Variants in CALD1 observed in about 807,000 individuals in gnomAD.
The protein encoded by CALD1 is caldesmon 1.
Under a neutral mutation model 99.9 loss-of-function variants are expected in CALD1, and 33 were observed. The observed-to-expected ratio is 0.33, with a 90% CI of 0.25 to 0.44. The LOEUF (loss-of-function observed/expected upper bound fraction) is 0.44. Ranked by LOEUF, CALD1 falls within the 20% of genes least tolerant of loss-of-function variation. The pLI is 1.00. For missense variants in CALD1, 861 were observed against 962.1 expected (o/e 0.89, Z 1.39); for synonymous variants, 310 against 325.0 (o/e 0.95, Z 0.50).
intron 1 of CALD1, among the ~76,000 whole-genome samples, chr7:134,799,510 A>G (rs1250471007): frequency 6.6e-6 from 1 of 152,234 alleles, no homozygotes; most frequent in African/African-American, 2.4e-5. Flanking sequence ...ACATAAAAGT[A>G]TCTCTCCAGA....
chr7:134,769,876 G>A (rs553483567), intron 1 of CALD1, among the ~76,000 whole-genome samples: 4 of 152,300 alleles, frequency 2.6e-5, no homozygotes, highest in African/African-American at 4.8e-5. Context: ...GACCTCAGGT[G>A]ATCCTCCTGC....
At chr7:134,723,619 C>A in the CALD1 span, among the ~76,000 whole-genome samples, 1 of 134,928 alleles carries the variant, frequency 7.4e-6, no homozygotes. Context: ...CTGTTTAAAG[C>A]AGTGTTCTCA....
At chr7:134,745,300 T>C (rs1796626349) in intron 1 of CALD1, among the ~76,000 whole-genome samples, 1 of 152,200 alleles carries the variant, frequency 6.6e-6, no homozygotes, top group Non-Finnish European at 1.5e-5. Flanking sequence ...TAGTTTAGAG[T>C]TTAATGGTTT....
chr7:134,928,622 C>T (rs1805243799), intron 3 of CALD1, 132 bp from the exon 4 acceptor site: 5 of 761,526 alleles, frequency 6.6e-6, no homozygotes, highest in Non-Finnish European at 1.0e-5. Context: ...AGGAACTGAA[C>T]CATCCTTTTA....
chr7:134,860,221 T>C (rs1800503496), intron 2 of CALD1, among the ~76,000 whole-genome samples: 1 of 152,182 alleles, frequency 6.6e-6, no homozygotes, highest in Non-Finnish European at 1.5e-5. Flanking sequence ...ATGGTGAAGG[T>C]TGAGCTAAAG....
intron 3 of CALD1, among the ~76,000 whole-genome samples, chr7:134,872,905 G>A (rs1177919926): frequency 1.3e-5 from 2 of 152,050 alleles, no homozygotes; most frequent in Non-Finnish European, 2.9e-5. Context: ...CATTCTGGCC[G>A]GATGCAATGG....
upstream of CALD1, among the ~76,000 whole-genome samples, chr7:134,776,874 G>T (rs1163194871): frequency 6.6e-6 from 1 of 152,114 alleles, no homozygotes; most frequent in Non-Finnish European, 1.5e-5. Flanking sequence ...TGATCTACAT[G>T]ATCGCAAACA....
chr7:134,898,962 C>A (rs1586242041), intron 3 of CALD1, among the ~76,000 whole-genome samples: 1 of 152,154 alleles, frequency 6.6e-6, no homozygotes, highest in East Asian at 1.9e-4. Flanking sequence ...CTACTCTAAC[C>A]CAGTAGATTT....
intron 2 of CALD1, among the ~76,000 whole-genome samples, chr7:134,856,491 T>G (rs1225779167): frequency 1.3e-5 from 2 of 152,220 alleles, no homozygotes; most frequent in Non-Finnish European, 2.9e-5. Context: ...TTTTTTAGAC[T>G]GATGGAAACA....
At chr7:134,781,910 C>G (rs1797119904) in intron 1 of CALD1, among the ~76,000 whole-genome samples, 1 of 152,216 alleles carries the variant, frequency 6.6e-6, no homozygotes, top group Admixed American at 6.5e-5. Context: ...AGTAAGGCAA[C>G]TGCCTTATTA....
chr7:134,843,798 G>A (rs765231915), intron 1 of CALD1, 86 bp from the exon 2 acceptor site: 1 of 152,132 alleles, frequency 6.6e-6, no homozygotes, highest in Non-Finnish European at 1.5e-5. Flanking sequence ...CAGTACTTGA[G>A]GAAGAAATGA....
intron 3 of CALD1, among the ~76,000 whole-genome samples, chr7:134,906,883 T>C (rs544650173): frequency 3.6e-4 from 55 of 152,258 alleles, no homozygotes; most frequent in African/African-American, 1.3e-3. Flanking sequence ...GAGCTCCTTA[T>C]TTGAGCAGAA....
intron 3 of CALD1, chr7:134,891,780 G>A: frequency 1.2e-6 from 1 of 803,460 alleles, no homozygotes; most frequent in Non-Finnish European, 1.9e-6. Context: ...GTGGGAGTGG[G>A]AGGGGAGAGG....
intron 1 of CALD1, among the ~76,000 whole-genome samples, chr7:134,831,490 T>C (rs1001390588): frequency 3.3e-5 from 5 of 151,974 alleles, no homozygotes; most frequent in Non-Finnish European, 5.9e-5. Flanking sequence ...GGCTAATTTT[T>C]TTGTATTTTT....
At chr7:134,937,834 G>A (rs1213592463) in intron 6 of CALD1, among the ~76,000 whole-genome samples, 1 of 152,134 alleles carries the variant, frequency 6.6e-6, no homozygotes, top group Non-Finnish European at 1.5e-5. Context: ...GTTTAACTGT[G>A]GCAATGAGTT....
intron 5 of CALD1, among the ~76,000 whole-genome samples, chr7:134,934,554 G>A (rs1260972131): frequency 1.3e-5 from 2 of 152,122 alleles, no homozygotes; most frequent in African/African-American, 4.8e-5. Context: ...GTGGGAAAGA[G>A]ACATGAAGAA....
intron 7 of CALD1, among the ~76,000 whole-genome samples, chr7:134,941,833 A>G (rs1328684846): frequency 6.6e-6 from 1 of 152,166 alleles, no homozygotes; most frequent in Admixed American, 6.5e-5. Context: ...TATTTTATAC[A>G]GTTTGGAAAA....
At chr7:134,883,463 A>T (rs1801702099) in intron 3 of CALD1, among the ~76,000 whole-genome samples, 5 of 152,026 alleles carry the variant, frequency 3.3e-5, no homozygotes, top group Admixed American at 3.3e-4. Context: ...AAAATTGGAT[A>T]TTTTTACTAA....
At chr7:134,803,965 G>A (rs1798041625) in intron 1 of CALD1, among the ~76,000 whole-genome samples, 1 of 152,082 alleles carries the variant, frequency 6.6e-6, no homozygotes, top group Non-Finnish European at 1.5e-5. Context: ...CAAAGTGTTG[G>A]GATTACAGGC....
Sources: allele counts gnomAD v4.1 joint callset (sites outside exome capture counted in the v4.1 genomes callset), GRCh38; gene constraint gnomAD v4.1.1; transcripts MANE v1.5; gene names NCBI Gene and HGNC (gene_info 2026-07-23, HGNC 2026-07-21).